BCOR: variants seen among roughly 807,000 people sequenced by gnomAD.
The protein encoded by BCOR is BCL-6 corepressor.
In BCOR, 10 loss-of-function variants were observed where a neutral mutation model predicts 86.7. That is an observed-to-expected ratio of 0.12 (90% confidence interval 0.07 to 0.20). BCOR has a LOEUF of 0.20. Ranked by LOEUF, BCOR falls within the 10% of genes least tolerant of loss-of-function variation. BCOR has a pLI of 1.00. For synonymous variants in BCOR, 611 were observed against 609.0 expected (o/e 1.00, Z -0.05); for missense variants, 1,259 against 1,452.1 (o/e 0.87, Z 2.16).
chrX:40,103,906 T>C (rs1236503295), intron 1 of BCOR, among the ~76,000 whole-genome samples: 1 of 111,484 alleles, frequency 9.0e-6, no homozygotes, highest in African/African-American at 3.3e-5. Flanking sequence ...AAAAATGCTC[T>C]TTTCGAAAAC....
intron 1 of BCOR, among the ~76,000 whole-genome samples, chrX:40,133,626 A>AT (rs1436096545): frequency 9.4e-6 from 1 of 106,017 alleles, no homozygotes; most frequent in Non-Finnish European, 1.9e-5. Context: ...CGCCCGGCTA[A>AT]TTTTTTTGTA....
intron 1 of BCOR, among the ~76,000 whole-genome samples, chrX:40,094,248 C>A (rs1332866345): frequency 8.9e-6 from 1 of 112,437 alleles, no homozygotes; most frequent in African/African-American, 3.2e-5. Flanking sequence ...CCGCGCCTCC[C>A]CCCCCTCCAG....
chrX:40,073,198 G>A lies in BCOR; in HGVS notation c.2148C>T (p.Tyr716=), dbSNP rs146426767. The change falls in exon 4 of 15, where the codon TAC becomes TAT. Residue 716 remains tyrosine (Y), a synonymous_variant. Transcript: ENST00000378444. ...CCATGCCCAACCCCAGGGCATCTTG[G>A]TAGGTCACAAACTCTGGACGGCCGG... ...LPTGRPEFVT[Y]QDALGLGMVH... The A allele has an allele frequency of 3.0e-5, 36 of 1,210,962 alleles. No homozygotes were observed. In the African/African-American group the frequency reaches 5.0e-4, roughly 17 times the overall value.
rs1197348343 is a variant in BCOR, at chrX:40,075,170, C to G, written c.176G>C (p.Ser59Thr). Reference protein sequence around the residue: ...NPLNHNVVDASTAHRIDGLAA... With the variant: ...NPLNHNVVDATTAHRIDGLAA... The stretch of plus-strand genomic sequence containing the variant: ...CAGGCCATCGATCCTATGGGCCGTG[C>G]TCGCATCCACCTTTGCAGAAGAACA... Residue 59 changes from serine (S) to threonine (T), a missense_variant, in exon 4 of 15, where the codon AGC becomes ACC. Around this residue, in one of 7 missense-constraint regions of BCOR, gnomAD observed 174 missense variants for 189.3 expected, o/e 0.92. Transcript: ENST00000378444. 2.5e-6 allele frequency: 3 copies of G among 1,204,918 alleles called. No homozygotes were observed. Among genetic ancestry groups the G allele is most frequent in the Non-Finnish European group, 3.4e-6 (3 of 893,230 alleles).
At chrX:40,146,513 G>A (rs999563137) in intron 1 of BCOR, 3 of 112,926 alleles carry the variant, frequency 2.7e-5, no homozygotes, top group African/African-American at 9.6e-5. Context: ...TCTTGGCGAG[G>A]AGGGGCTGTC....
At chrX:40,109,035 G>A (rs761342758) in intron 1 of BCOR, among the ~76,000 whole-genome samples, 3 of 113,270 alleles carry the variant, frequency 2.6e-5, no homozygotes, top group South Asian at 7.1e-4. Context: ...GGCGGCGGCG[G>A]CGGCCCTGGC....
rs1934461080 is a variant in BCOR, at chrX:40,054,010, C to A, written c.4852G>T (p.Ala1618Ser). 1 of 1,211,536 alleles carries A rather than the reference C, an allele frequency of 8.3e-7. No individual in the cohort carries two copies. The highest frequency in any genetic ancestry group is 1.1e-6 in the Non-Finnish European group (1 of 895,383). The change falls in exon 14 of 15, where the codon GCC becomes TCC. Residue 1618 changes from alanine (A) to serine (S), a missense_variant. Coordinates refer to ENST00000378444, the MANE Select transcript of BCOR (RefSeq NM_001123385.2). Reference sequence around the variant, plus strand: ...TGGTCTTCTGGTCCTGGGGGGTTGGCTAAAACATCATAGCCACTTTCATCA... The same window carrying A: ...TGGTCTTCTGGTCCTGGGGGGTTGGATAAAACATCATAGCCACTTTCATCA... ...PDDESGYDVL[A>S]NPPGPEDQDD...
At chrX:40,058,155 G>C (rs958168447) in intron 10 of BCOR, among the ~76,000 whole-genome samples, 1 of 112,440 alleles carries the variant, frequency 8.9e-6, no homozygotes, top group African/African-American at 3.2e-5. Flanking sequence ...AATGTGTTCC[G>C]CATCAACAGT....
intron 1 of BCOR, among the ~76,000 whole-genome samples, chrX:40,130,434 G>A (rs1306401585): frequency 8.9e-6 from 1 of 112,401 alleles, no homozygotes; most frequent in African/African-American, 3.2e-5. Flanking sequence ...CAGGCCCATG[G>A]TGTGAGTTCG....
At chrX:40,104,257 C>T (rs1234638085) in intron 1 of BCOR, among the ~76,000 whole-genome samples, 1 of 111,395 alleles carries the variant, frequency 9.0e-6, no homozygotes, top group Non-Finnish European at 1.9e-5. Flanking sequence ...TTGGGAGGGT[C>T]ATATAACTAT....
chrX:40,157,347 G>A (rs1328143321), intron 1 of BCOR, among the ~76,000 whole-genome samples: 1 of 111,823 alleles, frequency 8.9e-6, no homozygotes, highest in Non-Finnish European at 1.9e-5. Flanking sequence ...TGCTGTACTT[G>A]AACAAAGTGC....
intron 1 of BCOR, among the ~76,000 whole-genome samples, chrX:40,147,949 G>A (rs1440408698): frequency 8.9e-6 from 1 of 111,788 alleles, no homozygotes; most frequent in African/African-American, 3.3e-5. Context: ...TCTGGTTTCC[G>A]CCCCCTCCTT....
At chrX:40,143,062 A>G (rs1937957410) in intron 1 of BCOR, among the ~76,000 whole-genome samples, 1 of 112,418 alleles carries the variant, frequency 8.9e-6, no homozygotes, top group Admixed American at 9.4e-5. Context: ...AGCTGCCGGC[A>G]GGTAGAGGAG....
At chrX:40,085,820 A>G (rs1304458549) in intron 1 of BCOR, among the ~76,000 whole-genome samples, 2 of 111,504 alleles carry the variant, frequency 1.8e-5, no homozygotes, top group Non-Finnish European at 3.8e-5. Flanking sequence ...TGGCCATCCT[A>G]AGTCCACCTG....
chrX:40,101,833 G>A (rs1265130997), upstream of BCOR, among the ~76,000 whole-genome samples: 2 of 112,780 alleles, frequency 1.8e-5, no homozygotes, highest in East Asian at 5.5e-4. Flanking sequence ...TGTTCTCAGG[G>A]CGATGACACT....
chrX:40,113,676 A>C (rs1937348269), intron 1 of BCOR, among the ~76,000 whole-genome samples: 1 of 111,550 alleles, frequency 9.0e-6, no homozygotes, highest in Admixed American at 9.5e-5. Context: ...GCAGCGATGT[A>C]CATATATCCA....
At position 40,073,387 on chromosome X, in the gene BCOR, G is replaced by A. The variant is rs778974144; in HGVS notation, c.1959C>T (p.Tyr653=). ...CTGGGTAAGGGAGGTAACTCCTGGG[G>A]TAGGGAATTGGTGGGGACCTGAATG... is the stretch of plus-strand genomic sequence containing the variant. ...NEAFRSPPIP[Y]PRSYLPYPAP... Residue 653 remains tyrosine, a synonymous_variant, in exon 4 of 15, where the codon TAC becomes TAT. Coordinates refer to ENST00000378444, the MANE Select transcript of BCOR (RefSeq NM_001123385.2). 4.1e-6 allele frequency: 5 copies of A among 1,211,277 alleles called. No homozygotes were observed. In the African/African-American group the frequency reaches 6.9e-5, roughly 17 times the overall value.
chrX:40,150,312 A>AT (rs1287689210), intron 1 of BCOR, among the ~76,000 whole-genome samples: 1 of 111,914 alleles, frequency 8.9e-6, no homozygotes, highest in African/African-American at 3.3e-5. Flanking sequence ...GGCCTGGGGG[A>AT]TTTTAGATGC....
intron 10 of BCOR, among the ~76,000 whole-genome samples, chrX:40,059,011 G>C (rs1194552867): frequency 8.9e-6 from 1 of 112,070 alleles, no homozygotes; most frequent in Non-Finnish European, 1.9e-5. Context: ...GATCCCGGCA[G>C]CCGGCCTGGT....
Sources: allele counts gnomAD v4.1 joint callset (sites outside exome capture counted in the v4.1 genomes callset), GRCh38; gene constraint gnomAD v4.1.1; regional missense constraint gnomAD v4.1.1; transcripts MANE v1.5; gene names NCBI Gene and HGNC (gene_info 2026-07-23, HGNC 2026-07-21).